Variants in NEGR1 observed in about 807,000 individuals in gnomAD.
The protein encoded by NEGR1 is neuronal growth regulator 1.
Under a neutral mutation model 40.9 loss-of-function variants are expected in NEGR1, and 10 were observed. That is an observed-to-expected ratio of 0.24 (90% CI 0.15 to 0.42). The LOEUF (loss-of-function observed/expected upper bound fraction) is 0.42. Among genes scored for constraint, NEGR1 ranks in the 10% least tolerant of loss-of-function variants. The pLI, the probability that NEGR1 is intolerant of heterozygous loss-of-function variation, is 1.00. For synonymous variants in NEGR1, 185 were observed against 166.8 expected, an observed-to-expected ratio of 1.11 and a Z score of -0.84; for missense variants, 352 against 438.9, an observed-to-expected ratio of 0.80 and a Z score of 1.77.
At chr1:72,052,502 T>C (rs995091601) in intron 1 of NEGR1, among the ~76,000 whole-genome samples, 2 of 151,478 alleles carry the variant, frequency 1.3e-5, no homozygotes, top group African/African-American at 2.4e-5. Flanking sequence ...CACTTCGTAT[T>C]ATTGTCAAGA....
intron 4 of NEGR1, among the ~76,000 whole-genome samples, chr1:71,615,761 G>A (rs561783137): frequency 2.2e-4 from 34 of 152,190 alleles, no homozygotes; most frequent in Non-Finnish European, 4.4e-4. Context: ...GGAGTGACAT[G>A]ATTTAGTTAA....
chr1:71,710,769 G>C (rs1020012968), intron 3 of NEGR1, among the ~76,000 whole-genome samples: 4 of 150,992 alleles, frequency 2.6e-5, no homozygotes, highest in Admixed American at 2.6e-4. Context: ...GGTGGGGTTA[G>C]TTAATGGGTA....
intron 1 of NEGR1, among the ~76,000 whole-genome samples, chr1:72,206,721 A>G (rs1335945945): frequency 6.6e-6 from 1 of 152,120 alleles, no homozygotes; most frequent in South Asian, 2.1e-4. Context: ...TTCACCCATG[A>G]AAGACTATGG....
intron 6 of NEGR1, among the ~76,000 whole-genome samples, chr1:71,437,331 A>C (rs1646516097): frequency 6.6e-6 from 1 of 152,136 alleles, no homozygotes; most frequent in Non-Finnish European, 1.5e-5. Context: ...ATATGTTCTA[A>C]AATTGATGTG....
rs538215185 is a variant in NEGR1, at chr1:71,698,217, C to T, written c.536-78G>A. On this transcript the variant is annotated intron_variant, in intron 3 of 6. Coordinates refer to ENST00000357731, the MANE Select transcript of NEGR1 (RefSeq NM_173808.3). ...AGTAAAACAACAATTTCATGACTTC[C>T]TACAAGATACTGCTGACAAAACAAT... 3 of 1,223,784 alleles carry T rather than the reference C, an allele frequency of 2.5e-6. No homozygotes were observed. In the Admixed American group the frequency reaches 6.6e-5, roughly 27 times the overall value. 75.8% of individuals were successfully genotyped at this position (1,223,784 alleles called of 1,614,324 possible).
chr1:71,613,671 G>T lies in NEGR1; in HGVS notation c.668-2525C>A, dbSNP rs75551387. On this transcript the variant is annotated intron_variant, in intron 4 of 6. Transcript: ENST00000357731. Reference sequence around the variant, plus strand: ...ACTCCATCTCGAAAAAAAAAAAAAAGAATTTTGGAGGGAAACATTAGGAGT... The same window carrying T: ...ACTCCATCTCGAAAAAAAAAAAAAATAATTTTGGAGGGAAACATTAGGAGT... Among the ~76,000 whole-genome samples, 769 of 147,996 alleles carry T rather than the reference G, an allele frequency of 5.2e-3. 7 individuals are homozygous for T. The highest frequency in any genetic ancestry group is 0.018 in the African/African-American group (735 of 40,220).
chr1:71,724,675 A>C (rs1654616102), intron 3 of NEGR1, among the ~76,000 whole-genome samples: 3 of 152,124 alleles, frequency 2.0e-5, no homozygotes, highest in Admixed American at 6.6e-5. Flanking sequence ...TCTTCATTGG[A>C]ACCAGCACAA....
At chr1:72,098,536 T>C (rs1648800862) in intron 1 of NEGR1, among the ~76,000 whole-genome samples, 1 of 152,142 alleles carries the variant, frequency 6.6e-6, no homozygotes, top group East Asian at 1.9e-4. Flanking sequence ...TGCTCGCCCA[T>C]ACAAAACTAT....
intron 1 of NEGR1, among the ~76,000 whole-genome samples, chr1:72,040,516 C>T (rs145784367): frequency 8.2e-4 from 100 of 122,318 alleles, no homozygotes; most frequent in South Asian, 3.3e-3. Flanking sequence ...CTGATTATTA[C>T]GAAGTTGTCA....
intron 1 of NEGR1, among the ~76,000 whole-genome samples, chr1:72,206,716 C>T (rs573895282): frequency 1.3e-5 from 2 of 152,064 alleles, no homozygotes; most frequent in East Asian, 3.9e-4. Context: ...TCATTTTCAC[C>T]CATGAAAGAC....
At chr1:71,914,667 C>G (rs924819759) in intron 2 of NEGR1, among the ~76,000 whole-genome samples, 1 of 152,094 alleles carries the variant, frequency 6.6e-6, no homozygotes, top group African/African-American at 2.4e-5. Context: ...GTATTCAGTC[C>G]GATGGAAAGA....
chr1:71,442,337 G>T (rs562900082), intron 6 of NEGR1, among the ~76,000 whole-genome samples: 3 of 151,214 alleles, frequency 2.0e-5, no homozygotes, highest in Admixed American at 6.6e-5. Context: ...ATTTTCAGCC[G>T]GGTGCGGTGG....
intron 1 of NEGR1, among the ~76,000 whole-genome samples, chr1:72,182,562 T>TA (rs1276008462): frequency 6.6e-6 from 1 of 151,934 alleles, no homozygotes; most frequent in African/African-American, 2.4e-5. Context: ...GGTCTTTTAG[T>TA]AAAAAAATGC....
At chr1:71,990,920 T>TA (rs1557472048) in intron 1 of NEGR1, among the ~76,000 whole-genome samples, 12 of 109,298 alleles carry the variant, frequency 1.1e-4, no homozygotes, top group South Asian at 6.5e-4. Context: ...ATATATATAT[T>TA]TTTTTTTTAA....
chr1:72,136,228 G>T (rs1650458541), intron 1 of NEGR1, among the ~76,000 whole-genome samples: 1 of 152,070 alleles, frequency 6.6e-6, no homozygotes, highest in Admixed American at 6.6e-5. Flanking sequence ...GTATTAAGCA[G>T]TTATTATTGT....
chr1:71,448,602 GA>G (rs150313511), intron 6 of NEGR1, among the ~76,000 whole-genome samples: 5,267 of 148,604 alleles, frequency 0.035, 320 homozygotes, highest in African/African-American at 0.12. Context: ...CCATCTCAAA[GA>G]AAAAAAAAAT....
At chr1:71,841,048 T>A (rs1015611246) in intron 2 of NEGR1, among the ~76,000 whole-genome samples, 13 of 152,016 alleles carry the variant, frequency 8.6e-5, no homozygotes, top group Non-Finnish European at 1.9e-4. Context: ...ATGAACCAAT[T>A]TCTTAAGGTA....
intron 6 of NEGR1, among the ~76,000 whole-genome samples, chr1:71,520,138 C>T (rs534035937): frequency 1.3e-5 from 2 of 152,136 alleles, no homozygotes; most frequent in Non-Finnish European, 2.9e-5. Context: ...TCTGACCATA[C>T]TTATTAGCTC....
chr1:71,695,667 C>A (rs1653452597), intron 4 of NEGR1, among the ~76,000 whole-genome samples: 1 of 151,766 alleles, frequency 6.6e-6, no homozygotes, highest in Admixed American at 6.6e-5. Flanking sequence ...TCAAATGTTC[C>A]AGCTCCCATC....
Sources: gnomAD v4.1 joint callset for allele counts (sites outside exome capture counted in the v4.1 genomes callset) on GRCh38, gnomAD v4.1.1 for gene constraint, MANE v1.5 for transcripts, NCBI Gene and HGNC (gene_info 2026-07-23, HGNC 2026-07-21) for gene names.